The following CCDC91 variants were observed in gnomAD, a reference collection of about 807,000 sequenced individuals.
The protein encoded by CCDC91 is coiled-coil domain containing 91, also known as coiled-coil domain-containing protein 91.
In CCDC91, 48 loss-of-function variants were observed where a neutral mutation model predicts 63.2. The ratio of observed to expected loss-of-function variants is 0.76; its 90% confidence interval spans 0.60 to 0.97. CCDC91 has a LOEUF of 0.97. Ranked by LOEUF, CCDC91 falls within the 50% of genes least tolerant of loss-of-function variation. CCDC91 has a pLI of 0.00. For missense variants in CCDC91, 500 were observed against 494.6 expected (o/e 1.01, Z -0.10); for synonymous variants, 167 against 165.8 (o/e 1.01, Z -0.06).
At chr12:28,380,533 GC>G (rs1945235236) in intron 7 of CCDC91, among the ~76,000 whole-genome samples, 1 of 151,984 alleles carries the variant, frequency 6.6e-6, no homozygotes, top group African/African-American at 2.4e-5. Flanking sequence ...ACAGATTTCT[GC>G]TCATTATAAC....
chr12:28,240,597 T>A (rs1228450290), intron 1 of CCDC91, among the ~76,000 whole-genome samples: 6 of 152,110 alleles, frequency 3.9e-5, no homozygotes, highest in Non-Finnish European at 7.4e-5. Flanking sequence ...AAGTTTTTTT[T>A]ATATAAATGG....
intron 1 of CCDC91, among the ~76,000 whole-genome samples, chr12:28,243,807 AGT>A (rs1036720509): frequency 1.5e-4 from 23 of 152,218 alleles, no homozygotes; most frequent in African/African-American, 5.1e-4. Context: ...AACAAGCCCA[AGT>A]GATTTGCCAA....
At chr12:28,236,350 AT>A (rs1944948078) in intron 1 of CCDC91, 1 of 152,078 alleles carries the variant, frequency 6.6e-6, no homozygotes, top group African/African-American at 2.4e-5. Context: ...TATTTGATAA[AT>A]AGATGTTTTG....
chr12:28,265,619 C>T, intron 3 of CCDC91, among the ~76,000 whole-genome samples: 1 of 128,790 alleles, frequency 7.8e-6, no homozygotes, highest in East Asian at 2.2e-4. Context: ...CCATTACTCT[C>T]CTTACTAACC....
In CCDC91 at chr12:28,504,269, GT is replaced by G. The variant is rs553152250; in HGVS notation, c.1215+20105del. 3.7e-3 allele frequency among the ~76,000 whole-genome samples: 558 copies of G among 151,770 alleles called. 1 individual carries two copies. Among genetic ancestry groups the G allele is most frequent in the Middle Eastern group, 6.8e-3 (2 of 294 alleles). On this transcript the variant is annotated intron_variant, in intron 12 of 12. Coordinates refer to ENST00000536442, the MANE Select transcript of CCDC91 (RefSeq NM_018318.5). ...GCACTCTAGTAAGAAGAAAGTTTTT[GT>G]ACAATCCTATACCAAGAAAATGTTT...
At chr12:28,337,115 C>T (rs1400691128) in intron 6 of CCDC91, among the ~76,000 whole-genome samples, 1 of 152,000 alleles carries the variant, frequency 6.6e-6, no homozygotes, top group Admixed American at 6.6e-5. Context: ...AGGTCAATTG[C>T]CCCCAGTTAG....
intron 12 of CCDC91, among the ~76,000 whole-genome samples, chr12:28,486,279 A>G (rs1328037860): frequency 6.6e-6 from 1 of 152,182 alleles, no homozygotes; most frequent in Non-Finnish European, 1.5e-5. Context: ...AATGCCCTCA[A>G]GGATCATCCA....
chr12:28,412,838 A>G (rs1947402464), intron 8 of CCDC91: 3 of 448,558 alleles, frequency 6.7e-6, no homozygotes, highest in Non-Finnish European at 1.3e-5. Context: ...TGATTGGTGT[A>G]TTTTACAATC....
chr12:28,436,899 A>G (rs780195477), intron 8 of CCDC91, among the ~76,000 whole-genome samples: 3 of 151,898 alleles, frequency 2.0e-5, no homozygotes, highest in Admixed American at 6.6e-5. Context: ...TCGCCTTATT[A>G]AAGATTTTAT....
At chr12:28,265,880 G>A (rs1022630037) in intron 3 of CCDC91, among the ~76,000 whole-genome samples, 1 of 151,932 alleles carries the variant, frequency 6.6e-6, no homozygotes, top group Non-Finnish European at 1.5e-5. Flanking sequence ...AAAACTTTCC[G>A]TCTGTCTTTG....
At chr12:28,504,124 C>CA (rs144933106) in intron 12 of CCDC91, among the ~76,000 whole-genome samples, 29,082 of 148,064 alleles carry the variant, frequency 0.2, 3,662 homozygotes, top group Non-Finnish European at 0.29. Flanking sequence ...ACTCCAACTC[C>CA]AAAAAAAAAT....
rs560505507 is a variant in CCDC91, at chr12:28,469,695, G to A, written c.1102-14357G>A. Among the ~76,000 whole-genome samples the A allele has an allele frequency of 9.2e-5, 14 of 152,112 alleles. No homozygotes were observed. In the South Asian group the frequency reaches 2.7e-3, roughly 29 times the overall value. Reference sequence around the variant, plus strand: ...TTACCTGATTTCAAATTGTATTCCAGAGCTATAGTAACCAAAGCAGCATGG... The same window carrying A: ...TTACCTGATTTCAAATTGTATTCCAAAGCTATAGTAACCAAAGCAGCATGG... On this transcript the variant is annotated intron_variant, in intron 11 of 12. Transcript: ENST00000536442.
intron 1 of CCDC91, among the ~76,000 whole-genome samples, chr12:28,239,325 G>A (rs1170784750): frequency 6.6e-6 from 1 of 151,990 alleles, no homozygotes; most frequent in African/African-American, 2.4e-5. Flanking sequence ...GGTATTTGAG[G>A]TAGGGAAACA....
At chr12:28,218,243 G>A (rs1215043659) in intron 1 of CCDC91, among the ~76,000 whole-genome samples, 4 of 152,072 alleles carry the variant, frequency 2.6e-5, no homozygotes, top group African/African-American at 7.2e-5. Context: ...AAGGGAATGC[G>A]CATTCGACTG....
chr12:28,353,755 A>G (rs1307637570), intron 6 of CCDC91, among the ~76,000 whole-genome samples: 4 of 152,332 alleles, frequency 2.6e-5, no homozygotes, highest in East Asian at 3.9e-4. Flanking sequence ...AGATCACTGT[A>G]ATAGATGAAC....
chr12:28,241,034 C>T (rs1264207254), intron 1 of CCDC91, among the ~76,000 whole-genome samples: 1 of 152,160 alleles, frequency 6.6e-6, no homozygotes, highest in Non-Finnish European at 1.5e-5. Context: ...CCACTTTCTC[C>T]ACATCCTTGC....
chr12:28,465,641 G>A (rs1463739185), intron 11 of CCDC91, among the ~76,000 whole-genome samples: 2 of 152,168 alleles, frequency 1.3e-5, no homozygotes, highest in Non-Finnish European at 2.9e-5. Flanking sequence ...AGAAGTTCCA[G>A]CTTAGATTAT....
chr12:28,344,473 T>A (rs1042645319), intron 6 of CCDC91, among the ~76,000 whole-genome samples: 1 of 152,146 alleles, frequency 6.6e-6, no homozygotes, highest in Admixed American at 6.5e-5. Flanking sequence ...TGAAAAAGAT[T>A]TATTTCATAT....
chr12:28,448,352 C>T (rs1244700757), intron 8 of CCDC91, among the ~76,000 whole-genome samples: 1 of 152,034 alleles, frequency 6.6e-6, no homozygotes, highest in African/African-American at 2.4e-5. Context: ...AAGCCAGTAA[C>T]CCAGTTGTAT....
Sources: gnomAD v4.1 joint callset for allele counts (sites outside exome capture counted in the v4.1 genomes callset) on GRCh38, gnomAD v4.1.1 for gene constraint, MANE v1.5 for transcripts, NCBI Gene and HGNC (gene_info 2026-07-23, HGNC 2026-07-21) for gene names.